Variants in CDH13 observed in about 807,000 individuals in gnomAD.
CDH13 encodes cadherin-13.
A neutral mutation model predicts 63.8 loss-of-function variants in CDH13; 24 were observed. That is an observed-to-expected ratio of 0.38 (90% confidence interval 0.27 to 0.53). The LOEUF (loss-of-function observed/expected upper bound fraction) is 0.53. Ranked by LOEUF, CDH13 falls within the 20% of genes least tolerant of loss-of-function variation. The pLI is 0.85. For synonymous variants in CDH13, 503 were observed against 355.3 expected (o/e 1.42, Z -4.67); for missense variants, 1,049 against 903.1 (o/e 1.16, Z -2.07).
intron 7 of CDH13, among the ~76,000 whole-genome samples, chr16:83,534,275 C>A (rs11861707): frequency 6.6e-6 from 1 of 151,958 alleles, no homozygotes; most frequent in African/African-American, 2.4e-5. Context: ...AGCTGTGGAT[C>A]CTCACAGCCT....
At chr16:83,585,886 T>G (rs985794246) in intron 7 of CDH13, among the ~76,000 whole-genome samples, 30 of 152,136 alleles carry the variant, frequency 2.0e-4, no homozygotes, top group African/African-American at 5.5e-4. Context: ...TGCCCCAGGG[T>G]GTAGCAGTTG....
In CDH13 at chr16:83,490,756, C is replaced by T. The variant is rs185057089; in HGVS notation, c.960+4101C>T. Among the ~76,000 whole-genome samples the T allele has an allele frequency of 1.9e-4, 29 of 152,320 alleles. No individual in the cohort carries two copies. In the East Asian group the frequency reaches 5.6e-3, roughly 29 times the overall value. On this transcript the variant is annotated intron_variant, in intron 7 of 13. Coordinates refer to ENST00000567109, the MANE Select transcript of CDH13 (RefSeq NM_001257.5). The stretch of plus-strand genomic sequence containing the variant: ...AGCGTGATTCACACTGGCTTGAAAG[C>T]AGGTGAACTGGCCATTTCTTCCCCT...
intron 1 of CDH13, among the ~76,000 whole-genome samples, chr16:82,678,631 T>A (rs899601408): frequency 6.6e-6 from 1 of 152,214 alleles, no homozygotes; most frequent in Non-Finnish European, 1.5e-5. Context: ...AAGAAATATT[T>A]GGATCTTTCC....
intron 2 of CDH13, among the ~76,000 whole-genome samples, chr16:83,000,102 G>A (rs906615791): frequency 6.6e-6 from 1 of 152,014 alleles, no homozygotes; most frequent in Non-Finnish European, 1.5e-5. Context: ...TATACAGGGT[G>A]GAGGATGTTG....
At chr16:83,526,332 CT>C (rs889724367) in intron 7 of CDH13, among the ~76,000 whole-genome samples, 1 of 152,148 alleles carries the variant, frequency 6.6e-6, no homozygotes, top group Non-Finnish European at 1.5e-5. Context: ...AGTCCGCAAC[CT>C]TTTTGGCACC....
At chr16:83,092,285 A>G (rs1274118417) in intron 3 of CDH13, among the ~76,000 whole-genome samples, 1 of 152,218 alleles carries the variant, frequency 6.6e-6, no homozygotes, top group African/African-American at 2.4e-5. Flanking sequence ...TCTGCCTTAA[A>G]TGCCTCCCAC....
At chr16:83,782,312 G>C (rs1454509653) in intron 12 of CDH13, among the ~76,000 whole-genome samples, 1 of 152,158 alleles carries the variant, frequency 6.6e-6, no homozygotes, top group African/African-American at 2.4e-5. Flanking sequence ...GTCACCCAGG[G>C]GCCTGGGTGA....
intron 2 of CDH13, among the ~76,000 whole-genome samples, chr16:83,026,626 C>G (rs935592277): frequency 6.6e-6 from 1 of 151,884 alleles, no homozygotes; most frequent in Non-Finnish European, 1.5e-5. Context: ...TAAAAGAGCC[C>G]TTAGGGGAGT....
chr16:82,902,530 C>G (rs1220159792), intron 2 of CDH13, among the ~76,000 whole-genome samples: 3 of 152,090 alleles, frequency 2.0e-5, no homozygotes, highest in Non-Finnish European at 2.9e-5. Flanking sequence ...CATTTTCTTT[C>G]TTTCCTCGGG....
At chr16:83,703,359 T>C (rs2150911482) in intron 10 of CDH13, among the ~76,000 whole-genome samples, 1 of 152,312 alleles carries the variant, frequency 6.6e-6, no homozygotes, top group South Asian at 2.1e-4. Flanking sequence ...TTATTTATGG[T>C]AGCAAAAAGT....
chr16:82,963,526 G>C (rs1039710974), intron 2 of CDH13, among the ~76,000 whole-genome samples: 4 of 152,098 alleles, frequency 2.6e-5, no homozygotes, highest in Non-Finnish European at 5.9e-5. Context: ...CTTTTTAAGT[G>C]ACTCTGTTTC....
At chr16:83,178,101 A>G (rs867550907) in intron 4 of CDH13, among the ~76,000 whole-genome samples, 1 of 152,166 alleles carries the variant, frequency 6.6e-6, no homozygotes, top group Non-Finnish European at 1.5e-5. Flanking sequence ...CTATCGGTCC[A>G]CTGAAAAGCC....
intron 2 of CDH13, among the ~76,000 whole-genome samples, chr16:83,001,703 C>T (rs900841323): frequency 6.6e-6 from 1 of 152,184 alleles, no homozygotes; most frequent in Non-Finnish European, 1.5e-5. Flanking sequence ...ACCATTTACA[C>T]CTACGGATGA....
intron 1 of CDH13, among the ~76,000 whole-genome samples, chr16:82,854,765 C>T (rs2039623014): frequency 2.0e-5 from 3 of 152,304 alleles, no homozygotes; most frequent in Middle Eastern, 6.8e-3. Flanking sequence ...TACATGCTCC[C>T]AGAGAGATCT....
At chr16:83,436,210 G>A (rs921911601) in intron 6 of CDH13, among the ~76,000 whole-genome samples, 1 of 152,154 alleles carries the variant, frequency 6.6e-6, no homozygotes, top group African/African-American at 2.4e-5. Context: ...AGGGAACAAT[G>A]CAACAAATGA....
intron 2 of CDH13, among the ~76,000 whole-genome samples, chr16:82,974,704 A>T (rs891102789): frequency 6.6e-6 from 1 of 152,156 alleles, no homozygotes; most frequent in Non-Finnish European, 1.5e-5. Context: ...TTGGAGAGAG[A>T]TTTAAAGATG....
intron 6 of CDH13, among the ~76,000 whole-genome samples, chr16:83,364,079 T>C (rs1235667021): frequency 6.6e-6 from 1 of 152,214 alleles, no homozygotes; most frequent in Non-Finnish European, 1.5e-5. Context: ...GTTTACCGAA[T>C]GAATTAACAT....
intron 1 of CDH13, among the ~76,000 whole-genome samples, chr16:82,834,610 C>T (rs1217191786): frequency 1.3e-5 from 2 of 152,218 alleles, no homozygotes; most frequent in African/African-American, 2.4e-5. Flanking sequence ...TGCCTCTTAG[C>T]AGCTGACCAG....
intron 1 of CDH13, chr16:82,705,234 G>C (rs2031393166): frequency 2.2e-6 from 1 of 449,436 alleles, no homozygotes; most frequent in African/African-American, 2.0e-5. Context: ...ATGAGAGGGA[G>C]GACAAGGTGC....
Sources: gnomAD v4.1 joint callset for allele counts (sites outside exome capture counted in the v4.1 genomes callset) on GRCh38, gnomAD v4.1.1 for gene constraint, MANE v1.5 for transcripts, NCBI Gene and HGNC (gene_info 2026-07-23, HGNC 2026-07-21) for gene names.